The following POLB variants were observed in gnomAD, a reference collection of about 807,000 sequenced individuals.
The protein encoded by POLB is 5'-dRP lyase.
In POLB, 37 loss-of-function variants were observed where a neutral mutation model predicts 52.7. The ratio of observed to expected loss-of-function variants is 0.70; its 90% CI spans 0.54 to 0.92. The LOEUF (loss-of-function observed/expected upper bound fraction) is 0.92, where lower values mean the gene tolerates loss of function less well. POLB is among the 40% of genes least tolerant of loss of function. The probability of loss-of-function intolerance (pLI) is 0.00; values close to 1 mark genes in which losing one functional copy is unlikely to be tolerated. For missense variants in POLB, 313 were observed against 400.8 expected (o/e 0.78, Z 1.87); for synonymous variants, 138 against 131.3 (o/e 1.05, Z -0.35).
intron 4 of POLB, 147 bp downstream of exon 4, chr8:42,349,237 A>G: frequency 1.9e-6 from 1 of 535,312 alleles, no homozygotes; most frequent in Non-Finnish European, 3.4e-6. Context: ...TAACTTTTTG[A>G]ATGTTATTTC....
chr8:42,355,637 A>G (rs1585894705), intron 7 of POLB, 70 bp downstream of exon 7: 1 of 876,904 alleles, frequency 1.1e-6, no homozygotes, highest in Non-Finnish European at 1.9e-6. Context: ...TCTTTTATAC[A>G]CCAGAAGGAC....
intron 11 of POLB, among the ~76,000 whole-genome samples, chr8:42,366,233 G>C (rs1266064910): frequency 6.6e-6 from 1 of 152,134 alleles, no homozygotes; most frequent in Non-Finnish European, 1.5e-5. Context: ...TGTGCCACAG[G>C]AAAGAATACT....
chr8:42,356,178 C>G (rs1823305037), intron 7 of POLB, among the ~76,000 whole-genome samples: 1 of 152,124 alleles, frequency 6.6e-6, no homozygotes, highest in East Asian at 1.9e-4. Flanking sequence ...GTGAGTGATT[C>G]AGTCCTAATT....
rs558610795 is a variant in POLB at position 42,361,079 on chromosome 8, T to C, written c.551-216T>C. 74 of 683,216 alleles carry C rather than the reference T, an allele frequency of 1.1e-4. 1 individual carries two copies. The African/African-American group carries it at 1.1e-3, about 11-fold the overall frequency. The allele number at this position is 683,216 out of a possible 1,614,324, so 42.3% of individuals were successfully genotyped here. A position where few individuals can be genotyped will look rare whatever the true frequency, so the allele number is the denominator to read the frequency against. On this transcript the variant is annotated intron_variant, in intron 9 of 13. Coordinates refer to ENST00000265421, the MANE Select transcript of POLB (RefSeq NM_002690.3). ...TATGCAATGTATATCTAATGCCAAT[T>C]ACTGTTGTCATCACAGATTCTGCTG...
Sources: allele counts gnomAD v4.1 joint callset (sites outside exome capture counted in the v4.1 genomes callset), GRCh38; gene constraint gnomAD v4.1.1; transcripts MANE v1.5; gene names NCBI Gene and HGNC (gene_info 2026-07-23, HGNC 2026-07-21).